MLLT10: variants seen among roughly 807,000 people sequenced by gnomAD.
MLLT10 encodes MLLT10 histone lysine methyltransferase DOT1L cofactor, also known as protein AF-10.
Under a neutral mutation model 129.1 loss-of-function variants are expected in MLLT10, and 30 were observed. The ratio of observed to expected loss-of-function variants is 0.23; its 90% confidence interval spans 0.17 to 0.32. The LOEUF (loss-of-function observed/expected upper bound fraction) is 0.32. MLLT10 is among the 10% of genes least tolerant of loss of function. The pLI is 1.00. For synonymous variants in MLLT10, 490 were observed against 446.4 expected (o/e 1.10, Z -1.23); for missense variants, 1,119 against 1,268.3 (o/e 0.88, Z 1.79).
chr10:21,738,024 C>T (rs2058516571), intron 21 of MLLT10, among the ~76,000 whole-genome samples: 1 of 152,024 alleles, frequency 6.6e-6, no homozygotes, highest in Admixed American at 6.6e-5. Flanking sequence ...AATCCCAGCA[C>T]TTTGGGAGAC....
intron 22 of MLLT10, among the ~76,000 whole-genome samples, chr10:21,740,508 C>A (rs1291218804): frequency 6.6e-6 from 1 of 152,160 alleles, no homozygotes; most frequent in South Asian, 2.1e-4. Context: ...ACAATCAAAT[C>A]AAAAGACAAT....
At chr10:21,687,237 C>G (rs571789172) in intron 13 of MLLT10, among the ~76,000 whole-genome samples, 3 of 152,170 alleles carry the variant, frequency 2.0e-5, no homozygotes, top group African/African-American at 7.2e-5. Context: ...GGTGAACATT[C>G]TCCCTCAAGA....
At chr10:21,597,749 C>T (rs1273969866) in intron 5 of MLLT10, among the ~76,000 whole-genome samples, 1 of 152,210 alleles carries the variant, frequency 6.6e-6, no homozygotes, top group African/African-American at 2.4e-5. Flanking sequence ...TTGAATATTA[C>T]AGGCCAGTTA....
chr10:21,617,220 G>C lies in MLLT10; in HGVS notation c.699+13G>C, dbSNP rs200764581. 1 of 1,452,866 alleles carries C rather than the reference G, an allele frequency of 6.9e-7. No homozygotes were observed. 90.0% of individuals were successfully genotyped at this position (1,452,866 alleles called of 1,614,324 possible). ...GAAAGAGAAAAAAGTAAGTGGATTTGTTGTTGCTAAATTTGTAGCACATCT... is the reference window on the plus strand; with the variant it reads ...GAAAGAGAAAAAAGTAAGTGGATTTCTTGTTGCTAAATTTGTAGCACATCT... On this transcript the variant is annotated intron_variant, in intron 8 of 22. Transcript: ENST00000307729.
At chr10:21,595,510 T>C (rs1388910381) in intron 5 of MLLT10, 70 bp downstream of exon 5, 10 of 1,244,682 alleles carry the variant, frequency 8.0e-6, no homozygotes, top group Non-Finnish European at 1.1e-5. Flanking sequence ...TTTTTGTGTT[T>C]TTAAAATCAC....
At chr10:21,599,630 T>C (rs1207738295) in intron 5 of MLLT10, among the ~76,000 whole-genome samples, 1 of 152,012 alleles carries the variant, frequency 6.6e-6, no homozygotes, top group Non-Finnish European at 1.5e-5. Flanking sequence ...AGTGGTGCAG[T>C]TTTGGCTCAC....
chr10:21,556,920 G>T, intron 3 of MLLT10: 1 of 1,550,034 alleles, frequency 6.5e-7, no homozygotes, highest in South Asian at 1.2e-5. Flanking sequence ...GTCATTTGGC[G>T]TTTCAAGAAG....
Position 21,586,291 on chromosome 10 carries a change from T to A in MLLT10, c.241-3T>A. The A allele has an allele frequency of 6.5e-7, 1 of 1,543,936 alleles. No homozygotes were observed. The highest frequency in any genetic ancestry group is 8.8e-7 in the Non-Finnish European group (1 of 1,135,374). ...TTACCTGTTTCTTTTTTTTTTTTTA[T>A]AGAGATGTGAACTTTGTCCCCATAA... On this transcript the variant is annotated splice_polypyrimidine_tract_variant and splice_region_variant and intron_variant, in intron 3 of 22. Coordinates refer to ENST00000307729, the MANE Select transcript of MLLT10 (RefSeq NM_001195626.3).
chr10:21,637,077 A>G (rs1183593842), intron 8 of MLLT10, among the ~76,000 whole-genome samples: 2 of 152,240 alleles, frequency 1.3e-5, no homozygotes, highest in Non-Finnish European at 2.9e-5. Flanking sequence ...CTTAATAGCC[A>G]TGTCATTGGG....
At chr10:21,630,135 A>G (rs1383912721) in intron 8 of MLLT10, among the ~76,000 whole-genome samples, 14 of 152,208 alleles carry the variant, frequency 9.2e-5, no homozygotes, top group Non-Finnish European at 1.5e-4. Context: ...GTTGAACCCT[A>G]TCAGAGATAT....
At chr10:21,622,872 T>C (rs2046035575) in intron 8 of MLLT10, among the ~76,000 whole-genome samples, 1 of 152,202 alleles carries the variant, frequency 6.6e-6, no homozygotes, top group South Asian at 2.1e-4. Context: ...AAGTCCCAGA[T>C]TGTCACCTGT....
chr10:21,576,909 GCGTGGGC>G (rs2040826995), intron 3 of MLLT10, among the ~76,000 whole-genome samples: 1 of 152,224 alleles, frequency 6.6e-6, no homozygotes, highest in Non-Finnish European at 1.5e-5. Context: ...GGGGTTACAG[GCGTGGGC>G]CACTGCGCCC....
intron 8 of MLLT10, among the ~76,000 whole-genome samples, chr10:21,621,175 T>C (rs1204059070): frequency 7.0e-6 from 1 of 142,730 alleles, no homozygotes; most frequent in Non-Finnish European, 1.5e-5. Context: ...TTTTTTTTTT[T>C]AGTAGAGATG....
intron 6 of MLLT10, among the ~76,000 whole-genome samples, chr10:21,613,788 C>T (rs1373670538): frequency 1.3e-5 from 2 of 152,010 alleles, no homozygotes; most frequent in Non-Finnish European, 2.9e-5. Flanking sequence ...GCCTGTAATC[C>T]CAGCTACTCG....
chr10:21,731,890 A>C (rs1589875709), intron 17 of MLLT10, among the ~76,000 whole-genome samples: 1 of 152,128 alleles, frequency 6.6e-6, no homozygotes, highest in African/African-American at 2.4e-5. Context: ...CATTTTGCTT[A>C]TTGTTGGCTA....
intron 9 of MLLT10, among the ~76,000 whole-genome samples, chr10:21,656,813 CAGAG>C (rs2049634843): frequency 6.6e-6 from 1 of 152,034 alleles, no homozygotes; most frequent in African/African-American, 2.4e-5. Context: ...AGATTGTTAT[CAGAG>C]GGAGTAAAAG....
chr10:21,600,832 C>G (rs1274391841), intron 5 of MLLT10, among the ~76,000 whole-genome samples: 1 of 152,112 alleles, frequency 6.6e-6, no homozygotes, highest in East Asian at 1.9e-4. Context: ...TCTCCAGCCC[C>G]CCTCTCCCCA....
intron 11 of MLLT10, among the ~76,000 whole-genome samples, chr10:21,676,397 G>A (rs2052117504): frequency 6.6e-6 from 1 of 150,582 alleles, no homozygotes; most frequent in East Asian, 2.0e-4. Flanking sequence ...CAGCCTGGGC[G>A]ACAGAGCGAG....
At chr10:21,691,802 A>T (rs2053874743) in intron 13 of MLLT10, among the ~76,000 whole-genome samples, 1 of 152,090 alleles carries the variant, frequency 6.6e-6, no homozygotes, top group African/African-American at 2.4e-5. Context: ...CAAGGAAAAG[A>T]ATAATAAATG....
Sources: allele counts gnomAD v4.1 joint callset (sites outside exome capture counted in the v4.1 genomes callset), GRCh38; gene constraint gnomAD v4.1.1; transcripts MANE v1.5; gene names NCBI Gene and HGNC (gene_info 2026-07-23, HGNC 2026-07-21).